The following CRACD variants were observed in gnomAD, a reference collection of about 807,000 sequenced individuals.
CRACD encodes the protein capping protein inhibiting regulator of actin dynamics.
In CRACD, 56 loss-of-function variants were observed where a neutral mutation model predicts 106.8. The ratio of observed to expected loss-of-function variants is 0.52; its 90% CI spans 0.42 to 0.66. The LOEUF is 0.66. Ranked by LOEUF, CRACD falls within the 30% of genes least tolerant of loss-of-function variation. The pLI is 0.00. For synonymous variants in CRACD, 754 were observed against 670.8 expected, an observed-to-expected ratio of 1.12 and a Z score of -1.92; for missense variants, 1,730 against 1,623.2, an observed-to-expected ratio of 1.07 and a Z score of -1.13.
chr4:56,221,595 T>G (rs1739033856), intron 2 of CRACD, among the ~76,000 whole-genome samples: 1 of 151,958 alleles, frequency 6.6e-6, no homozygotes, highest in African/African-American at 2.4e-5. Context: ...AAAATATTTG[T>G]AAACTATACA....
intron 1 of CRACD, among the ~76,000 whole-genome samples, chr4:56,128,287 T>C (rs1734720273): frequency 6.6e-6 from 1 of 152,212 alleles, no homozygotes. Context: ...AATTTAGTGC[T>C]TTCCATAGAG....
At chr4:56,064,184 G>T (rs1382463852) in intron 1 of CRACD, among the ~76,000 whole-genome samples, 3 of 152,232 alleles carry the variant, frequency 2.0e-5, no homozygotes, top group Non-Finnish European at 4.4e-5. Flanking sequence ...ACCCATTTTT[G>T]AATGGGGTTG....
intron 2 of CRACD, among the ~76,000 whole-genome samples, chr4:56,252,619 G>A (rs983016190): frequency 2.0e-5 from 3 of 152,198 alleles, no homozygotes; most frequent in Non-Finnish European, 4.4e-5. Context: ...GCATTGAATA[G>A]CACTGGTGAT....
intron 8 of CRACD, among the ~76,000 whole-genome samples, chr4:56,319,678 CTT>C (rs1198752515): frequency 6.6e-6 from 1 of 151,998 alleles, no homozygotes; most frequent in Admixed American, 6.6e-5. Flanking sequence ...AAATTCTAAT[CTT>C]TCTTTCTTAA....
intron 1 of CRACD, among the ~76,000 whole-genome samples, chr4:56,088,731 T>C (rs1013402054): frequency 1.3e-5 from 2 of 152,086 alleles, no homozygotes; most frequent in Non-Finnish European, 2.9e-5. Context: ...ACTGTACTTT[T>C]TTTTTTGACG....
At chr4:56,199,540 G>A (rs1228611338) in intron 2 of CRACD, among the ~76,000 whole-genome samples, 6 of 151,808 alleles carry the variant, frequency 4.0e-5, no homozygotes, top group Non-Finnish European at 7.4e-5. Flanking sequence ...AAATTAGCGG[G>A]GTGTTGAGGC....
chr4:56,324,785 T>G lies in CRACD; in HGVS notation c.3541+519T>G, dbSNP rs182773217. ...GGTAAAATTTAAATGGAGTAGCATT[T>G]TAATAAGTCAAATCAAAGCCATGGT... On this transcript the variant is annotated intron_variant, in intron 10 of 10. Transcript: ENST00000682029. Among the ~76,000 whole-genome samples the G allele has an allele frequency of 6.6e-5, 10 of 152,270 alleles. No individual in the cohort carries two copies. The East Asian group carries it at 1.7e-3, about 26-fold the overall frequency.
At chr4:56,186,294 T>C (rs535522182) in intron 2 of CRACD, among the ~76,000 whole-genome samples, 15 of 152,312 alleles carry the variant, frequency 9.8e-5, no homozygotes, top group African/African-American at 3.4e-4. Context: ...TGTCTGCAAG[T>C]CTCTTTCCTG....
intron 2 of CRACD, among the ~76,000 whole-genome samples, chr4:56,271,031 G>C (rs762894240): frequency 1.3e-5 from 2 of 151,674 alleles, no homozygotes; most frequent in Non-Finnish European, 2.9e-5. Flanking sequence ...CTTGAACCCG[G>C]GAGGCAGAGG....
chr4:56,268,786 T>C (rs1742181989), intron 2 of CRACD, among the ~76,000 whole-genome samples: 1 of 152,202 alleles, frequency 6.6e-6, no homozygotes, highest in African/African-American at 2.4e-5. Flanking sequence ...AAATCAACCT[T>C]TGTAAGGACA....
At chr4:56,139,206 T>A (rs1023944483) in intron 1 of CRACD, among the ~76,000 whole-genome samples, 3 of 152,202 alleles carry the variant, frequency 2.0e-5, no homozygotes, top group Admixed American at 6.5e-5. Context: ...TATTTAATAA[T>A]CATTATATGT....
At chr4:56,160,278 G>A (rs1251168909) in intron 1 of CRACD, among the ~76,000 whole-genome samples, 1 of 150,990 alleles carries the variant, frequency 6.6e-6, no homozygotes, top group African/African-American at 2.4e-5. Context: ...CAATTCCTGG[G>A]TTCAAACAAT....
intron 1 of CRACD, among the ~76,000 whole-genome samples, chr4:56,112,634 G>A (rs1347801899): frequency 6.6e-6 from 1 of 152,068 alleles, no homozygotes; most frequent in Non-Finnish European, 1.5e-5. Flanking sequence ...GCACACCTGG[G>A]TTTCTGAAAA....
chr4:56,151,185 C>A (rs185563967), intron 1 of CRACD, among the ~76,000 whole-genome samples: 1 of 151,948 alleles, frequency 6.6e-6, no homozygotes, highest in Non-Finnish European at 1.5e-5. Context: ...TTTGTAGAGA[C>A]GGGGTTTTGC....
At chr4:56,319,005 T>C (rs1313973373) in intron 8 of CRACD, among the ~76,000 whole-genome samples, 1 of 152,138 alleles carries the variant, frequency 6.6e-6, no homozygotes, top group Non-Finnish European at 1.5e-5. Flanking sequence ...GTTCCTCAGC[T>C]CTGTTATTTT....
chr4:56,189,555 C>T (rs1340870896), intron 2 of CRACD, among the ~76,000 whole-genome samples: 1 of 104,002 alleles, frequency 9.6e-6, no homozygotes, highest in Non-Finnish European at 1.9e-5. Context: ...CCCCTCCCCC[C>T]ACCCCACAAC....
At chr4:56,095,520 G>A (rs577540525) in intron 1 of CRACD, among the ~76,000 whole-genome samples, 44 of 152,110 alleles carry the variant, frequency 2.9e-4, no homozygotes, top group Non-Finnish European at 6.0e-4. Context: ...GGTAGCACGC[G>A]GCTATCAGCG....
intron 3 of CRACD, among the ~76,000 whole-genome samples, chr4:56,291,613 G>T (rs183568894): frequency 2.0e-5 from 3 of 152,290 alleles, no homozygotes; most frequent in African/African-American, 7.2e-5. Flanking sequence ...GCTCACCAAA[G>T]ATTTAATATT....
intron 2 of CRACD, among the ~76,000 whole-genome samples, chr4:56,234,609 G>A (rs1553912662): frequency 6.6e-6 from 1 of 152,030 alleles, no homozygotes; most frequent in Non-Finnish European, 1.5e-5. Context: ...TGTAAAAAGA[G>A]AAAATAGTGA....
Sources: allele counts gnomAD v4.1 joint callset (sites outside exome capture counted in the v4.1 genomes callset), GRCh38; gene constraint gnomAD v4.1.1; transcripts MANE v1.5; gene names NCBI Gene and HGNC (gene_info 2026-07-23, HGNC 2026-07-21).